Variants in NRXN3 observed in about 807,000 individuals in gnomAD.
NRXN3 encodes neurexin 3.
A neutral mutation model predicts 137.6 loss-of-function variants in NRXN3; 32 were observed. The ratio of observed to expected loss-of-function variants is 0.23; its 90% confidence interval spans 0.18 to 0.31. The LOEUF (loss-of-function observed/expected upper bound fraction) is 0.31, where lower values mean the gene tolerates loss of function less well. NRXN3 is among the 10% of genes least tolerant of loss of function. NRXN3 has a pLI of 1.00. For synonymous variants in NRXN3, 798 were observed against 784.5 expected, an observed-to-expected ratio of 1.02 and a Z score of -0.29; for missense variants, 1,574 against 2,062.5, an observed-to-expected ratio of 0.76 and a Z score of 4.59.
intron 20 of NRXN3, among the ~76,000 whole-genome samples, chr14:79,837,299 T>A (rs1056037255): frequency 2.6e-5 from 4 of 151,076 alleles, no homozygotes; most frequent in South Asian, 2.1e-4. Context: ...CATTTTTTTT[T>A]AAAAAAACCG....
At chr14:78,600,827 T>C (rs576873004) in intron 4 of NRXN3, among the ~76,000 whole-genome samples, 10 of 152,334 alleles carry the variant, frequency 6.6e-5, no homozygotes, top group African/African-American at 2.4e-4. Context: ...AAGTCACTTC[T>C]CTATTTCTCA....
chr14:79,802,008 A>C (rs1022570651), intron 19 of NRXN3, among the ~76,000 whole-genome samples: 1 of 151,746 alleles, frequency 6.6e-6, no homozygotes, highest in South Asian at 2.1e-4. Context: ...AGAGGAAGAC[A>C]GTATCTTTTC....
intron 14 of NRXN3, 144 bp from the exon 15 acceptor site, chr14:78,987,878 A>G (rs168903): frequency 0.027 from 22,311 of 819,354 alleles, 1,892 homozygotes; most frequent in African/African-American, 0.24. Flanking sequence ...GTTGCATGAG[A>G]TTGAGTTGAC....
chr14:78,346,695 C>T (rs2082782298), intron 4 of NRXN3, among the ~76,000 whole-genome samples: 1 of 152,174 alleles, frequency 6.6e-6, no homozygotes, highest in Non-Finnish European at 1.5e-5. Flanking sequence ...TGCACCTGCT[C>T]AGATAACTCT....
chr14:79,063,646 C>T (rs2099677019), intron 15 of NRXN3, among the ~76,000 whole-genome samples: 2 of 152,122 alleles, frequency 1.3e-5, no homozygotes, highest in Admixed American at 6.5e-5. Flanking sequence ...TCATCACAGG[C>T]ATTTCTATGG....
intron 10 of NRXN3, among the ~76,000 whole-genome samples, chr14:78,894,415 T>A (rs990510976): frequency 6.6e-6 from 1 of 151,918 alleles, no homozygotes; most frequent in Non-Finnish European, 1.5e-5. Flanking sequence ...TAAAATCCAT[T>A]CCAGTTTTAT....
intron 4 of NRXN3, among the ~76,000 whole-genome samples, chr14:78,639,157 C>T (rs1387843166): frequency 1.3e-5 from 2 of 152,224 alleles, no homozygotes; most frequent in African/African-American, 4.8e-5. Context: ...GCCTAGCAGG[C>T]AAGGCAATAG....
rs192615633 is a variant in NRXN3 at position 79,109,108 on chromosome 14, T to C, written c.3262+120967T>C. On this transcript the variant is annotated intron_variant, in intron 15 of 20. Coordinates refer to ENST00000335750, the MANE Select transcript of NRXN3 (RefSeq NM_001330195.2). ...TAATAGATGTTCAGTGAATGTTACA[T>C]TGGTTTTTAATGGACTTTCCCCAGT... Among the ~76,000 whole-genome samples, 18 of 152,334 alleles carry C rather than the reference T, an allele frequency of 1.2e-4. No individual in the cohort carries two copies. In the East Asian group the frequency reaches 3.5e-3, roughly 29 times the overall value.
At chr14:79,857,975 G>A (rs1185499246) in intron 20 of NRXN3, among the ~76,000 whole-genome samples, 1 of 152,060 alleles carries the variant, frequency 6.6e-6, no homozygotes, top group East Asian at 1.9e-4. Flanking sequence ...GAGATCAGTA[G>A]TTCTGAAAGA....
chr14:79,098,309 T>C (rs935428458), intron 15 of NRXN3, among the ~76,000 whole-genome samples: 1 of 152,218 alleles, frequency 6.6e-6, no homozygotes, highest in Non-Finnish European at 1.5e-5. Context: ...TCCTTAAAAA[T>C]ATATGTTTTA....
At chr14:79,473,673 C>A (rs959465193) in intron 16 of NRXN3, among the ~76,000 whole-genome samples, 5 of 152,186 alleles carry the variant, frequency 3.3e-5, no homozygotes, top group African/African-American at 1.2e-4. Flanking sequence ...ACAGAGGTAT[C>A]CAACAGATGC....
chr14:78,993,024 G>A (rs1264033534), intron 15 of NRXN3, among the ~76,000 whole-genome samples: 1 of 152,116 alleles, frequency 6.6e-6, no homozygotes, highest in Non-Finnish European at 1.5e-5. Flanking sequence ...AAATTCCTAG[G>A]TTCACACTGG....
intron 4 of NRXN3, among the ~76,000 whole-genome samples, chr14:78,629,090 C>A (rs2097495717): frequency 6.6e-6 from 1 of 152,166 alleles, no homozygotes; most frequent in South Asian, 2.1e-4. Flanking sequence ...CCCTGATACA[C>A]AATAAGCTTC....
intron 15 of NRXN3, among the ~76,000 whole-genome samples, chr14:79,009,066 C>T (rs1030243571): frequency 3.9e-5 from 6 of 152,088 alleles, no homozygotes; most frequent in Non-Finnish European, 8.8e-5. Context: ...TCAGGTCTCC[C>T]GTGTTTCCTC....
intron 15 of NRXN3, among the ~76,000 whole-genome samples, chr14:79,029,128 TAAA>T (rs1305203251): frequency 6.7e-6 from 1 of 150,162 alleles, no homozygotes; most frequent in Admixed American, 6.6e-5. Context: ...AGGGAGGAAA[TAAA>T]AGAAAAAAGA....
chr14:78,303,931 C>G (rs2077113401), intron 4 of NRXN3, among the ~76,000 whole-genome samples: 3 of 152,164 alleles, frequency 2.0e-5, no homozygotes, highest in Non-Finnish European at 4.4e-5. Flanking sequence ...ACTCATTCTA[C>G]ACAAGCTCAG....
chr14:79,079,439 T>A (rs1434675625), intron 15 of NRXN3, among the ~76,000 whole-genome samples: 1 of 152,174 alleles, frequency 6.6e-6, no homozygotes, highest in Non-Finnish European at 1.5e-5. Flanking sequence ...AAGTGTATAT[T>A]CTATGGTGTA....
At chr14:79,306,513 C>T (rs2086092041) in intron 15 of NRXN3, among the ~76,000 whole-genome samples, 1 of 152,062 alleles carries the variant, frequency 6.6e-6, no homozygotes, top group African/African-American at 2.4e-5. Context: ...GAAATTCAGG[C>T]ATATATATAG....
chr14:78,747,593 AC>A (rs1249991186), intron 8 of NRXN3, among the ~76,000 whole-genome samples: 1 of 151,986 alleles, frequency 6.6e-6, no homozygotes, highest in Non-Finnish European at 1.5e-5. Flanking sequence ...TGAACTAAGA[AC>A]CCTCTACTTC....
Sources: gnomAD v4.1 joint callset for allele counts (sites outside exome capture counted in the v4.1 genomes callset) on GRCh38, gnomAD v4.1.1 for gene constraint, MANE v1.5 for transcripts, NCBI Gene and HGNC (gene_info 2026-07-23, HGNC 2026-07-21) for gene names.